The following CPED1 variants were observed in gnomAD, a reference collection of about 807,000 sequenced individuals.
CPED1 encodes the protein cadherin-like and PC-esterase domain-containing protein 1.
A neutral mutation model predicts 128.2 loss-of-function variants in CPED1; 114 were observed. The ratio of observed to expected loss-of-function variants is 0.89; its 90% confidence interval spans 0.76 to 1.04. The LOEUF (loss-of-function observed/expected upper bound fraction) is 1.04. Ranked by LOEUF, CPED1 falls within the 50% of genes least tolerant of loss-of-function variation. CPED1 has a pLI of 0.00. For synonymous variants in CPED1, 462 were observed against 426.7 expected (o/e 1.08, Z -1.02); for missense variants, 1,211 against 1,207.1 (o/e 1.00, Z -0.05).
intron 3 of CPED1, among the ~76,000 whole-genome samples, chr7:121,028,707 T>G (rs1003385978): frequency 6.6e-6 from 1 of 152,198 alleles, no homozygotes; most frequent in African/African-American, 2.4e-5. Context: ...TAGGTTGCAT[T>G]GTCTATGTGA....
intron 16 of CPED1, among the ~76,000 whole-genome samples, chr7:121,150,158 G>A (rs1422570039): frequency 6.6e-6 from 1 of 151,514 alleles, no homozygotes; most frequent in Non-Finnish European, 1.5e-5. Flanking sequence ...CACCACCCAG[G>A]TAATGAGCAT....
chr7:121,125,140 A>G (rs1795474802), intron 8 of CPED1, among the ~76,000 whole-genome samples: 1 of 152,132 alleles, frequency 6.6e-6, no homozygotes, highest in African/African-American at 2.4e-5. Context: ...TTTCTATAAG[A>G]AATAAAACAG....
chr7:121,274,374 G>T (rs1792292235), intron 22 of CPED1, among the ~76,000 whole-genome samples: 1 of 152,060 alleles, frequency 6.6e-6, no homozygotes, highest in African/African-American at 2.4e-5. Flanking sequence ...AAATCATTTA[G>T]CTTATTTGAC....
At chr7:121,274,701 C>T (rs1792298873) in intron 22 of CPED1, among the ~76,000 whole-genome samples, 1 of 152,088 alleles carries the variant, frequency 6.6e-6, no homozygotes, top group African/African-American at 2.4e-5. Context: ...ACCCCTTGTA[C>T]CTCAGCAAGT....
chr7:121,199,022 C>T (rs995550379), intron 16 of CPED1, among the ~76,000 whole-genome samples: 4 of 152,150 alleles, frequency 2.6e-5, no homozygotes, highest in Non-Finnish European at 1.5e-5. Context: ...GGGAATAACT[C>T]TACAGTCTAT....
rs569016000 is a variant in CPED1, at chr7:121,199,434, C to T, written c.2056-37280C>T. Among the ~76,000 whole-genome samples the T allele has an allele frequency of 5.9e-5, 9 of 151,806 alleles. No individual in the cohort carries two copies. In the South Asian group the frequency reaches 1.2e-3, roughly 21 times the overall value. ...GTGGCTCACACCTATAATCCCAGCA[C>T]GTTGGGAGGCAGAGGTGGGCAGATC... is the stretch of plus-strand genomic sequence containing the variant. On this transcript the variant is annotated intron_variant, in intron 16 of 22. Coordinates refer to ENST00000310396, the MANE Select transcript of CPED1 (RefSeq NM_024913.5).
intron 22 of CPED1, among the ~76,000 whole-genome samples, chr7:121,279,447 C>G (rs1203161216): frequency 6.8e-6 from 1 of 147,924 alleles, no homozygotes; most frequent in African/African-American, 2.5e-5. Context: ...CACTCACTCC[C>G]CACCCCCCGC....
At chr7:121,056,593 G>C (rs1437420417) in intron 4 of CPED1, among the ~76,000 whole-genome samples, 1 of 152,136 alleles carries the variant, frequency 6.6e-6, no homozygotes. Context: ...AGCTAAAATA[G>C]TGACAATGAA....
chr7:121,266,092 T>C, intron 18 of CPED1, 135 bp from the exon 19 acceptor site: 1 of 660,822 alleles, frequency 1.5e-6, no homozygotes, highest in East Asian at 2.7e-5. Flanking sequence ...ATGAATGTTA[T>C]TTCTAACAAT....
At chr7:121,013,160 C>T (rs1792206208) in intron 2 of CPED1, among the ~76,000 whole-genome samples, 1 of 152,158 alleles carries the variant, frequency 6.6e-6, no homozygotes, top group Non-Finnish European at 1.5e-5. Context: ...CTTTGGCTTT[C>T]TACAGGCTAC....
At chr7:121,067,971 T>G (rs1389328240) in intron 5 of CPED1, among the ~76,000 whole-genome samples, 1 of 152,242 alleles carries the variant, frequency 6.6e-6, no homozygotes, top group East Asian at 1.9e-4. Flanking sequence ...GTTTGTTTTT[T>G]TCTTGTAAAT....
chr7:121,118,142 C>T (rs531863737), intron 7 of CPED1, among the ~76,000 whole-genome samples: 4 of 152,286 alleles, frequency 2.6e-5, no homozygotes, highest in African/African-American at 9.6e-5. Flanking sequence ...ACCCTTCCAT[C>T]CACGTCTGTG....
At chr7:121,196,103 T>C (rs567912199) in intron 16 of CPED1, among the ~76,000 whole-genome samples, 1 of 152,186 alleles carries the variant, frequency 6.6e-6, no homozygotes, top group South Asian at 2.1e-4. Flanking sequence ...TTGCCAAGCA[T>C]GTCATTCAGT....
intron 2 of CPED1, among the ~76,000 whole-genome samples, chr7:120,998,573 C>T (rs1288403767): frequency 1.3e-5 from 2 of 152,134 alleles, no homozygotes; most frequent in African/African-American, 4.8e-5. Flanking sequence ...TAGACCCTAA[C>T]ATTTGGCCTT....
chr7:121,148,224 A>G (rs1180828265), intron 16 of CPED1, among the ~76,000 whole-genome samples: 2 of 152,196 alleles, frequency 1.3e-5, no homozygotes, highest in Admixed American at 1.3e-4. Context: ...GCTCTCAACT[A>G]GTAACATTTA....
chr7:121,098,783 A>ATATATATAAATAT (rs1794765758), intron 6 of CPED1, among the ~76,000 whole-genome samples: 1 of 104,214 alleles, frequency 9.6e-6, no homozygotes, highest in African/African-American at 3.9e-5. Flanking sequence ...TATATATAAA[A>ATATATATAAATAT]ATATATAAAA....
chr7:121,005,187 T>A (rs1791976266), intron 2 of CPED1, among the ~76,000 whole-genome samples: 1 of 152,192 alleles, frequency 6.6e-6, no homozygotes, highest in African/African-American at 2.4e-5. Context: ...GAGTTTGGTT[T>A]TCTGTTCCTG....
At chr7:120,999,183 C>T (rs1378495222) in intron 2 of CPED1, among the ~76,000 whole-genome samples, 1 of 152,120 alleles carries the variant, frequency 6.6e-6, no homozygotes, top group Non-Finnish European at 1.5e-5. Flanking sequence ...TTGCTGAACT[C>T]AAAAGTCCTC....
chr7:121,282,078 G>A (rs1792474946), intron 22 of CPED1, among the ~76,000 whole-genome samples: 1 of 152,156 alleles, frequency 6.6e-6, no homozygotes. Flanking sequence ...TTAACCACAT[G>A]TAGTAGCTCC....
Sources: gnomAD v4.1 joint callset for allele counts (sites outside exome capture counted in the v4.1 genomes callset) on GRCh38, gnomAD v4.1.1 for gene constraint, MANE v1.5 for transcripts, NCBI Gene and HGNC (gene_info 2026-07-23, HGNC 2026-07-21) for gene names.